Variants in PTCHD4 observed in about 807,000 individuals in gnomAD.
PTCHD4 encodes the protein patched domain-containing protein 4.
Under a neutral mutation model 58.1 loss-of-function variants are expected in PTCHD4, and 33 were observed. That is an observed-to-expected ratio of 0.57 (90% confidence interval 0.43 to 0.76). PTCHD4 has a LOEUF of 0.76. PTCHD4 is among the 30% of genes least tolerant of loss of function. PTCHD4 has a pLI of 0.00. For missense variants in PTCHD4, 1,058 were observed against 1,027.1 expected, an observed-to-expected ratio of 1.03 and a Z score of -0.41; for synonymous variants, 478 against 409.6, an observed-to-expected ratio of 1.17 and a Z score of -2.02.
intron 4 of PTCHD4, among the ~76,000 whole-genome samples, chr6:47,980,676 A>G (rs140512591): frequency 1.4e-3 from 217 of 152,134 alleles, no homozygotes; most frequent in African/African-American, 4.4e-3. Flanking sequence ...ATAATGATAA[A>G]GTTTCAAAGT....
chr6:48,002,657 T>C (rs1008722724), intron 4 of PTCHD4, among the ~76,000 whole-genome samples: 3 of 151,892 alleles, frequency 2.0e-5, no homozygotes, highest in African/African-American at 2.4e-5. Context: ...ATACCTAATG[T>C]TAAATGACGA....
chr6:47,959,972 A>G (rs1010901482), intron 4 of PTCHD4, among the ~76,000 whole-genome samples: 4 of 152,114 alleles, frequency 2.6e-5, no homozygotes, highest in African/African-American at 9.6e-5. Flanking sequence ...TAATATTTTA[A>G]GAAGATAGTT....
At position 47,867,244 on chromosome 6, in the gene PTCHD4, AG is replaced by A. The variant is rs1355200649; in HGVS notation, c.*11058del. 6.6e-6 allele frequency among the ~76,000 whole-genome samples: 1 copy of A among 151,718 alleles called. No individual in the cohort carries two copies. The highest frequency in any genetic ancestry group is 1.5e-5 in the Non-Finnish European group (1 of 67,818). ...GTCAGTCTCTTACTCTCACACTTTG[AG>A]GGCTTTTGTGCCAGAACGTGGACGG... On this transcript the variant is annotated 3_prime_UTR_variant, in exon 5 of 5. Coordinates refer to ENST00000339488, the MANE Select transcript of PTCHD4 (RefSeq NM_001384253.1).
Position 48,024,990 on chromosome 6 carries a change from T to C in PTCHD4, c.418-15876A>G, listed in dbSNP as rs150921495. Among the ~76,000 whole-genome samples, 62 of 152,346 alleles carry C rather than the reference T, an allele frequency of 4.1e-4. No individual in the cohort carries two copies. The South Asian group carries it at 0.011, about 26-fold the overall frequency. On this transcript the variant is annotated intron_variant, in intron 3 of 4. Transcript: ENST00000339488. ...TCATTTTGTTTTTGCTGCCCCATTA[T>C]TTGAACACTCTACTGGATTGCTAGA...
At chr6:48,108,054 G>A (rs1168718494) in intron 1 of PTCHD4, among the ~76,000 whole-genome samples, 6 of 152,194 alleles carry the variant, frequency 3.9e-5, no homozygotes, top group East Asian at 3.9e-4. Flanking sequence ...GATTCCTCAG[G>A]GATCTAGAAC....
chr6:47,970,708 G>C (rs1392457989), intron 4 of PTCHD4, among the ~76,000 whole-genome samples: 1 of 152,144 alleles, frequency 6.6e-6, no homozygotes, highest in South Asian at 2.1e-4. Context: ...TTTGTTTTTT[G>C]TTCCTGTTAA....
intron 4 of PTCHD4, among the ~76,000 whole-genome samples, chr6:47,902,852 G>A (rs980789239): frequency 6.6e-6 from 1 of 152,048 alleles, no homozygotes; most frequent in Admixed American, 6.5e-5. Flanking sequence ...ACATACATTC[G>A]TATAATAGTT....
chr6:48,096,081 G>A (rs1047980549), intron 1 of PTCHD4, among the ~76,000 whole-genome samples: 2 of 152,114 alleles, frequency 1.3e-5, no homozygotes, highest in Admixed American at 1.3e-4. Context: ...TAATAGATAG[G>A]CAGACAAATC....
intron 4 of PTCHD4, among the ~76,000 whole-genome samples, chr6:47,937,527 G>A (rs1162297492): frequency 2.0e-5 from 3 of 152,278 alleles, no homozygotes; most frequent in East Asian, 1.9e-4. Context: ...GAAGGTTTAC[G>A]AGTTTTGTTT....
intron 3 of PTCHD4, among the ~76,000 whole-genome samples, chr6:48,030,619 C>A (rs1763399371): frequency 6.6e-6 from 1 of 152,106 alleles, no homozygotes; most frequent in Non-Finnish European, 1.5e-5. Flanking sequence ...TCAGAACATT[C>A]ACCAGAATAC....
At position 48,069,188 on chromosome 6, in the gene PTCHD4, G is replaced by C. The variant is rs1205303713; in HGVS notation, c.-231C>G. On this transcript the variant is annotated 5_prime_UTR_variant, in exon 2 of 5. Transcript: ENST00000339488. ...AGAGGAGGGAGAAGGGCGGGAGCAC[G>C]TTGGGGGTGGGGGGGCAGATAAGCT... Among the ~76,000 whole-genome samples the C allele has an allele frequency of 9.8e-6, 1 of 101,622 alleles. No homozygotes were observed. The highest frequency in any genetic ancestry group is 3.9e-5 in the African/African-American group (1 of 25,542). The allele number at this position is 101,622 out of a possible 152,430, so 66.7% of individuals were successfully genotyped here. A position where few individuals can be genotyped will look rare whatever the true frequency, so the allele number is the denominator to read the frequency against.
At position 47,884,092 on chromosome 6, in the gene PTCHD4, ATG is replaced by A. The variant is rs151246264; in HGVS notation, c.899-4158_899-4157del. Among the ~76,000 whole-genome samples the A allele has an allele frequency of 1.8e-3, 271 of 149,442 alleles. 2 individuals are homozygous for A. Among genetic ancestry groups the A allele is most frequent in the African/African-American group, 5.8e-3 (238 of 40,914 alleles). On this transcript the variant is annotated intron_variant, in intron 4 of 4. Coordinates refer to ENST00000339488, the MANE Select transcript of PTCHD4 (RefSeq NM_001384253.1). ...ATTTATCTTCCAAGCTTATGTATGT[ATG>A]TGTGTGTGTGTGTGTGTGTATGTAT...
chr6:47,986,002 A>G lies in PTCHD4; in HGVS notation c.898+22632T>C, dbSNP rs924170349. ...AATAGTATTGATATAATATATTAAT[A>G]CAATATCATTACGTATGAAATTTAT... is the stretch of plus-strand genomic sequence containing the variant. On this transcript the variant is annotated intron_variant, in intron 4 of 4. Coordinates refer to ENST00000339488, the MANE Select transcript of PTCHD4 (RefSeq NM_001384253.1). Among the ~76,000 whole-genome samples, 45 of 152,046 alleles carry G rather than the reference A, an allele frequency of 3.0e-4. 1 individual carries two copies. Among genetic ancestry groups the G allele is most frequent in the Non-Finnish European group, 4.4e-5 (3 of 67,932 alleles).
At chr6:47,983,442 G>A (rs1406636943) in intron 4 of PTCHD4, among the ~76,000 whole-genome samples, 1 of 152,114 alleles carries the variant, frequency 6.6e-6, no homozygotes, top group African/African-American at 2.4e-5. Context: ...CAAACATTCT[G>A]AGAACATTTT....
At chr6:47,923,512 C>T (rs993630945) in intron 4 of PTCHD4, among the ~76,000 whole-genome samples, 2 of 152,278 alleles carry the variant, frequency 1.3e-5, no homozygotes, top group Non-Finnish European at 1.5e-5. Context: ...TGTGTCATTT[C>T]CAACCAGATG....
At chr6:47,940,958 G>T (rs1766194166) in intron 4 of PTCHD4, among the ~76,000 whole-genome samples, 1 of 152,058 alleles carries the variant, frequency 6.6e-6, no homozygotes, top group Non-Finnish European at 1.5e-5. Context: ...AATAAATCTT[G>T]ACTTCCTGAC....
chr6:47,936,409 A>G (rs527493767), intron 4 of PTCHD4, among the ~76,000 whole-genome samples: 5 of 152,220 alleles, frequency 3.3e-5, no homozygotes, highest in Non-Finnish European at 7.3e-5. Context: ...CTTCTTTATT[A>G]AACACTTTGT....
intron 3 of PTCHD4, among the ~76,000 whole-genome samples, chr6:48,054,826 GATTT>G (rs1409802887): frequency 3.3e-5 from 5 of 152,158 alleles, no homozygotes; most frequent in African/African-American, 1.2e-4. Flanking sequence ...GATGGTAAGT[GATTT>G]ATCACGTGGT....
At position 48,027,071 on chromosome 6, in the gene PTCHD4, T is replaced by G. The variant is rs933961053; in HGVS notation, c.418-17957A>C. ...TGAATGAAAGCGATAAGATTTTTGT[T>G]TACATCTGTCTATATGTTTATGTAT... is the stretch of plus-strand genomic sequence containing the variant. On this transcript the variant is annotated intron_variant, in intron 3 of 4. Transcript: ENST00000339488. 1.1e-4 allele frequency among the ~76,000 whole-genome samples: 17 copies of G among 152,158 alleles called. 1 individual carries two copies.
Sources: allele counts gnomAD v4.1 joint callset (sites outside exome capture counted in the v4.1 genomes callset), GRCh38; gene constraint gnomAD v4.1.1; transcripts MANE v1.5; gene names NCBI Gene and HGNC (gene_info 2026-07-23, HGNC 2026-07-21).